The following SLC25A51 variants were observed in gnomAD, a reference collection of about 807,000 sequenced individuals.
The protein encoded by SLC25A51 is mitochondrial nicotinamide adenine dinucleotide transporter SLC25A51.
In SLC25A51, 11 loss-of-function variants were observed where a neutral mutation model predicts 19.1. The observed-to-expected ratio is 0.58, with a 90% CI of 0.36 to 0.96. SLC25A51 has a LOEUF of 0.96. SLC25A51 is among the 40% of genes least tolerant of loss of function. SLC25A51 has a pLI of 0.01. For synonymous variants in SLC25A51, 105 were observed against 133.6 expected (o/e 0.79, Z 1.47); for missense variants, 201 against 365.4 (o/e 0.55, Z 3.67).
At chr9:37,895,083 C>T (rs1464564745) in intron 2 of SLC25A51, among the ~76,000 whole-genome samples, 2 of 152,174 alleles carry the variant, frequency 1.3e-5, no homozygotes, top group African/African-American at 2.4e-5. Context: ...GTGAACATGG[C>T]TGTGCATGTG....
At chr9:37,884,119 G>A (rs570069363), downstream of SLC25A51, among the ~76,000 whole-genome samples, 5 of 152,294 alleles carry the variant, frequency 3.3e-5, no homozygotes, top group African/African-American at 1.2e-4. Context: ...GAAACCTACT[G>A]TCATGTCAGA....
chr9:37,886,889 C>T (rs550934751), downstream of SLC25A51, among the ~76,000 whole-genome samples: 4 of 152,146 alleles, frequency 2.6e-5, no homozygotes, highest in South Asian at 2.1e-4. Flanking sequence ...CCTGGCTGGG[C>T]GCGGTGGCTC....
downstream of SLC25A51, among the ~76,000 whole-genome samples, chr9:37,884,219 T>C (rs1014385664): frequency 2.0e-5 from 3 of 152,230 alleles, no homozygotes; most frequent in Admixed American, 6.5e-5. Context: ...TTGTATTTCA[T>C]TAGTCAATTG....
Position 37,896,733 on chromosome 9 carries a change from T to A in SLC25A51, c.-43+3096A>T, listed in dbSNP as rs184286841. Among the ~76,000 whole-genome samples, 345 of 152,138 alleles carry A rather than the reference T, an allele frequency of 2.3e-3. 2 individuals are homozygous for A. Among genetic ancestry groups the A allele is most frequent in the African/African-American group, 7.5e-3 (310 of 41,502 alleles). ...ATCACTTGAACCCAGGAGGCGGAGG[T>A]TGCAGTGAGCCGAGATTGCACCACT... On this transcript the variant is annotated intron_variant, in intron 2 of 2. Transcript: ENST00000242275.
chr9:37,886,935 G>A (rs1179088229), downstream of SLC25A51, among the ~76,000 whole-genome samples: 5 of 151,964 alleles, frequency 3.3e-5, no homozygotes, highest in South Asian at 2.1e-4. Context: ...AGGCCGAGGC[G>A]GGTGGATCAC....
rs1364248088 is a variant in SLC25A51, at chr9:37,899,811, A to G, written c.-43+18T>C. The G allele has an allele frequency of 7.4e-6, 1 of 134,894 alleles. No homozygotes were observed. The highest frequency in any genetic ancestry group is 3.1e-5 in the African/African-American group (1 of 32,104). 8.4% of individuals were successfully genotyped at this position (134,894 alleles called of 1,614,324 possible). On this transcript the variant is annotated intron_variant, in intron 2 of 2. Transcript: ENST00000242275. ...TCTTATCAAAATGATGTGTTCCTTGAAGTTTAATTGCATTCACCTGTGACA... is the reference window on the plus strand; with the variant it reads ...TCTTATCAAAATGATGTGTTCCTTGGAGTTTAATTGCATTCACCTGTGACA...
intron 2 of SLC25A51, among the ~76,000 whole-genome samples, chr9:37,892,415 T>G (rs1361471609): frequency 6.6e-6 from 1 of 152,322 alleles, no homozygotes; most frequent in African/African-American, 2.4e-5. Flanking sequence ...AGGTTACTTG[T>G]GTATGCCCTG....
At chr9:37,886,153 T>C, downstream of SLC25A51, 1 of 1,434,576 alleles carries the variant, frequency 7.0e-7, no homozygotes, top group South Asian at 1.1e-5. Context: ...ATCAACTCCC[T>C]ACCCTGATCC....
chr9:37,883,968 A>T (rs1475828666), downstream of SLC25A51, among the ~76,000 whole-genome samples: 3 of 152,202 alleles, frequency 2.0e-5, no homozygotes, highest in Admixed American at 2.0e-4. Flanking sequence ...AACCAGCCAT[A>T]GTGCATTTAG....
rs1318356090 is a variant in SLC25A51 at position 37,888,257 on chromosome 9, C to T, written c.294G>A (p.Met98Ile). 2.5e-6 allele frequency: 4 copies of T among 1,614,126 alleles called. No homozygotes were observed. Among genetic ancestry groups the T allele is most frequent in the African/African-American group, 1.3e-5 (1 of 74,938 alleles). ...AGGATAAATCCTCATACAGACCAAA[C>T]ATAAGTGCAAGCGTAGTTGTCTTCT... ...LMQKTTTLAL[M>I]FGLYEDLSCL... The change falls in exon 3 of 3, where the codon ATG becomes ATA. Residue 98 changes from methionine to isoleucine, a missense_variant. By Grantham distance (10) the Met-to-Ile change is conservative. Coordinates refer to ENST00000242275, the MANE Select transcript of SLC25A51 (RefSeq NM_033412.4).
intron 2 of SLC25A51, among the ~76,000 whole-genome samples, chr9:37,896,148 T>A (rs1473112660): frequency 1.3e-5 from 2 of 152,156 alleles, no homozygotes; most frequent in African/African-American, 2.4e-5. Context: ...CTCTGGAATA[T>A]CAGTTTAAGA....
chr9:37,893,605 C>G (rs1425272476), intron 2 of SLC25A51, among the ~76,000 whole-genome samples: 2 of 152,170 alleles, frequency 1.3e-5, no homozygotes, highest in Non-Finnish European at 1.5e-5. Flanking sequence ...GAAACCTGCT[C>G]TGAAAATTTG....
chr9:37,902,534 G>A (rs564655001), intron 1 of SLC25A51, among the ~76,000 whole-genome samples: 2 of 152,344 alleles, frequency 1.3e-5, no homozygotes, highest in African/African-American at 4.8e-5. Context: ...GAAGGATAAT[G>A]TGCACAGCAT....
intron 2 of SLC25A51, among the ~76,000 whole-genome samples, chr9:37,890,859 G>A (rs946543391): frequency 1.3e-5 from 2 of 152,130 alleles, no homozygotes; most frequent in Non-Finnish European, 2.9e-5. Context: ...GAGTTTCAAT[G>A]GGAAATAATA....
rs912952686 is a variant in SLC25A51 at position 37,894,156 on chromosome 9, G to GT, written c.-42-5565dup. The stretch of plus-strand genomic sequence containing the variant: ...ATTCTACCTCCTATTTATGGTTGCT[G>GT]TTTTTTTTTATGGTTTTGTATTATT... On this transcript the variant is annotated intron_variant, in intron 2 of 2. Transcript: ENST00000242275. 1.3e-3 allele frequency among the ~76,000 whole-genome samples: 197 copies of GT among 150,964 alleles called. 1 individual carries two copies. The highest frequency in any genetic ancestry group is 3.6e-3 in the African/African-American group (150 of 41,200).
chr9:37,885,552 G>A, downstream of SLC25A51: 1 of 620,886 alleles, frequency 1.6e-6, no homozygotes, highest in Non-Finnish European at 2.9e-6. Context: ...ACCACGCCTG[G>A]CTAATTTTTT....
chr9:37,885,826 G>T (rs1249008208), downstream of SLC25A51: 3 of 1,605,738 alleles, frequency 1.9e-6, no homozygotes, highest in African/African-American at 4.0e-5. Context: ...TTGGATATTC[G>T]CATGGGCCTA....
chr9:37,887,143 C>A (rs1302032797), downstream of SLC25A51, among the ~76,000 whole-genome samples: 1 of 152,010 alleles, frequency 6.6e-6, no homozygotes, highest in African/African-American at 2.4e-5. Context: ...GGTGAAACCC[C>A]GTCTCTACTA....
At chr9:37,885,146 C>T (rs146343830), downstream of SLC25A51, among the ~76,000 whole-genome samples, 395 of 152,082 alleles carry the variant, frequency 2.6e-3, 3 homozygotes, top group African/African-American at 9.2e-3. Flanking sequence ...AATGGAGTAA[C>T]AAAGGAAGCC....
Sources: gnomAD v4.1 joint callset for allele counts (sites outside exome capture counted in the v4.1 genomes callset) on GRCh38, gnomAD v4.1.1 for gene constraint, MANE v1.5 for transcripts, NCBI Gene and HGNC (gene_info 2026-07-23, HGNC 2026-07-21) for gene names.